The following NBEAL1 variants were observed in gnomAD, a reference collection of about 807,000 sequenced individuals.
NBEAL1 encodes the protein neurobeachin-like protein 1.
NBEAL1 carries 273 observed loss-of-function variants against 351.3 expected under a neutral mutation model. That is an observed-to-expected ratio of 0.78 (90% CI 0.70 to 0.86). The LOEUF (loss-of-function observed/expected upper bound fraction) is 0.86, where lower values mean the gene tolerates loss of function less well. Among genes scored for constraint, NBEAL1 ranks in the 40% least tolerant of loss-of-function variants. The probability of loss-of-function intolerance (pLI) is 0.00; values close to 1 mark genes in which losing one functional copy is unlikely to be tolerated. For synonymous variants in NBEAL1, 1,050 were observed against 1,086.4 expected, an observed-to-expected ratio of 0.97 and a Z score of 0.66; for missense variants, 2,961 against 3,201.3, an observed-to-expected ratio of 0.92 and a Z score of 1.81.
At chr2:203,113,357 G>GT (rs541963077) in intron 17 of NBEAL1, 39 bp downstream of exon 17, 105 of 1,161,510 alleles carry the variant, frequency 9.0e-5, no homozygotes, top group Middle Eastern at 5.2e-4. Flanking sequence ...CAAATTTAGA[G>GT]TTTTTTTTGT....
chr2:203,173,535 C>CT (rs944345571), intron 41 of NBEAL1, among the ~76,000 whole-genome samples: 8 of 151,288 alleles, frequency 5.3e-5, no homozygotes, highest in African/African-American at 1.5e-4. Flanking sequence ...GTAGGTGGTA[C>CT]TTTTTTTTTC....
intron 10 of NBEAL1, among the ~76,000 whole-genome samples, chr2:203,095,869 T>C (rs2062173960): frequency 2.6e-5 from 4 of 151,824 alleles, no homozygotes; most frequent in Admixed American, 2.0e-4. Context: ...ACCTCCCGGG[T>C]TCAGGTGATT....
intron 39 of NBEAL1, among the ~76,000 whole-genome samples, chr2:203,171,655 A>G (rs1438042542): frequency 7.2e-6 from 1 of 139,600 alleles, no homozygotes; most frequent in African/African-American, 2.6e-5. Flanking sequence ...CAAATAAAAC[A>G]TGTAATTGAA....
chr2:203,151,645 G>A, intron 35 of NBEAL1, 56 bp downstream of exon 35: 3 of 1,457,210 alleles, frequency 2.1e-6, no homozygotes, highest in Non-Finnish European at 2.7e-6. Context: ...TGTTCGTGGG[G>A]TTGACGATTG....
intron 36 of NBEAL1, among the ~76,000 whole-genome samples, chr2:203,158,204 T>G (rs1161942123): frequency 6.6e-6 from 1 of 151,878 alleles, no homozygotes; most frequent in Non-Finnish European, 1.5e-5. Flanking sequence ...AAAGAAAGAT[T>G]AAAAACATTG....
chr2:203,202,128 C>G (rs2065417469), intron 50 of NBEAL1, among the ~76,000 whole-genome samples: 1 of 151,886 alleles, frequency 6.6e-6, no homozygotes, highest in Non-Finnish European at 1.5e-5. Flanking sequence ...TATTAGTCTT[C>G]AATATAAGAA....
At chr2:203,021,217 G>A (rs2060766963) in intron 2 of NBEAL1, among the ~76,000 whole-genome samples, 1 of 151,814 alleles carries the variant, frequency 6.6e-6, no homozygotes, top group Non-Finnish European at 1.5e-5. Context: ...CCTGACCTCA[G>A]GCGATCCACC....
rs11355179 is a variant in NBEAL1, at chr2:203,128,262, C to CT, written c.3405+348dup. 4.0e-3 allele frequency among the ~76,000 whole-genome samples: 379 copies of CT among 94,896 alleles called. 10 individuals carry two copies. The highest frequency in any genetic ancestry group is 0.014 in the African/African-American group (336 of 23,260). The allele number at this position is 94,896 out of a possible 152,430, so 62.3% of individuals were successfully genotyped here. ...CCCCCACACTGAGCTAATTTTTTGC[C>CT]TTTTTTTTTTTTTTTTTTTTTTTCC... On this transcript the variant is annotated intron_variant, in intron 24 of 55. Coordinates refer to ENST00000683969, the MANE Select transcript of NBEAL1 (RefSeq NM_001378026.1).
chr2:203,183,180 AAT>A (rs2064782676), intron 43 of NBEAL1, 97 bp from the exon 44 acceptor site: 1 of 583,260 alleles, frequency 1.7e-6, no homozygotes, highest in Admixed American at 3.1e-5. Context: ...TAAAAGAAAA[AAT>A]ATGTTTTGCT....
chr2:203,125,892 G>A, intron 20 of NBEAL1, 68 bp from the exon 21 acceptor site: 1 of 1,297,254 alleles, frequency 7.7e-7, no homozygotes, highest in Non-Finnish European at 1.0e-6. Context: ...TGTGCATTAA[G>A]ATATAGAAAA....
chr2:203,138,131 T>A, intron 29 of NBEAL1, 31 bp from the exon 30 acceptor site: 1 of 1,608,204 alleles, frequency 6.2e-7, no homozygotes, highest in South Asian at 1.1e-5. Flanking sequence ...AAGCTCACAA[T>A]GGTTTTAAGA....
chr2:203,210,933 T>G lies in NBEAL1; in HGVS notation c.7786-25T>G, dbSNP rs75097066. 1.7e-3 allele frequency: 2,519 copies of G among 1,456,794 alleles called. 35 individuals are homozygous for G. The African/African-American group carries it at 0.032, about 18-fold the overall frequency. 90.2% of individuals were successfully genotyped at this position (1,456,794 alleles called of 1,614,324 possible). ...AAAACTCAGTTTTTATTTGAAATTG[T>G]TGAATTTTCCTTAATTCTTTTCAGG... is the stretch of plus-strand genomic sequence containing the variant. On this transcript the variant is annotated intron_variant, in intron 53 of 55. Transcript: ENST00000683969.
Position 203,095,510 on chromosome 2 carries a change from C to T in NBEAL1, c.1099-2037C>T, listed in dbSNP as rs572125527. Among the ~76,000 whole-genome samples, 13 of 152,096 alleles carry T rather than the reference C, an allele frequency of 8.5e-5. No individual in the cohort carries two copies. The South Asian group carries it at 2.3e-3, about 27-fold the overall frequency. ...GGTTTCCCCATGTTGAGGCTGGTCTCGAACTCCTGACCTCAGGTGATCCGC... is the reference window on the plus strand; with the variant it reads ...GGTTTCCCCATGTTGAGGCTGGTCTTGAACTCCTGACCTCAGGTGATCCGC... On this transcript the variant is annotated intron_variant, in intron 10 of 55. Coordinates refer to ENST00000683969, the MANE Select transcript of NBEAL1 (RefSeq NM_001378026.1).
At position 203,017,284 on chromosome 2, in the gene NBEAL1, TCA is replaced by T. The variant is rs1435695387; in HGVS notation, c.51+852_51+853del. On this transcript the variant is annotated intron_variant, in intron 2 of 55. Coordinates refer to ENST00000683969, the MANE Select transcript of NBEAL1 (RefSeq NM_001378026.1). Reference sequence around the variant, plus strand: ...AAGTATGTGTGGTGAAATTCTCAAGTCACAGCTTCTGTTTCTGCATTATCCTT... The same window carrying T: ...AAGTATGTGTGGTGAAATTCTCAAGTCAGCTTCTGTTTCTGCATTATCCTT... Among the ~76,000 whole-genome samples, 4 of 152,186 alleles carry T rather than the reference TCA, an allele frequency of 2.6e-5. No homozygotes were observed. The East Asian group carries it at 7.7e-4, about 29-fold the overall frequency.
chr2:203,128,887 T>C (rs1037497029), intron 24 of NBEAL1, among the ~76,000 whole-genome samples: 3 of 152,190 alleles, frequency 2.0e-5, no homozygotes, highest in Non-Finnish European at 4.4e-5. Flanking sequence ...TCAGCCACCA[T>C]GCCCAGCCAT....
chr2:203,032,164 A>G (rs1449759223), intron 2 of NBEAL1, among the ~76,000 whole-genome samples: 2 of 152,154 alleles, frequency 1.3e-5, no homozygotes, highest in African/African-American at 4.8e-5. Context: ...AGCCCAGTCA[A>G]GCTTTGGTAT....
intron 47 of NBEAL1, among the ~76,000 whole-genome samples, chr2:203,195,416 A>G (rs1404550493): frequency 6.6e-6 from 1 of 152,196 alleles, no homozygotes; most frequent in African/African-American, 2.4e-5. Flanking sequence ...TACAAACTCT[A>G]CAAACTTGGT....
chr2:203,130,757 C>T (rs2063054409), intron 25 of NBEAL1, among the ~76,000 whole-genome samples: 1 of 152,122 alleles, frequency 6.6e-6, no homozygotes, highest in Non-Finnish European at 1.5e-5. Flanking sequence ...TGTGGCAATT[C>T]AGAACATTTC....
chr2:203,083,990 G>GTT (rs1007466680), intron 9 of NBEAL1, among the ~76,000 whole-genome samples: 2 of 149,772 alleles, frequency 1.3e-5, no homozygotes, highest in Non-Finnish European at 3.0e-5. Flanking sequence ...GTGTGTGTGT[G>GTT]TGTGTGTGTG....
Sources: gnomAD v4.1 joint callset for allele counts (sites outside exome capture counted in the v4.1 genomes callset) on GRCh38, gnomAD v4.1.1 for gene constraint, MANE v1.5 for transcripts, NCBI Gene and HGNC (gene_info 2026-07-23, HGNC 2026-07-21) for gene names.